The following TRMT9B variants were observed in gnomAD, a reference collection of about 807,000 sequenced individuals.
TRMT9B encodes the protein tRNA methyltransferase 9B (putative).
TRMT9B carries 16 observed loss-of-function variants against 11.5 expected under a neutral mutation model. That is an observed-to-expected ratio of 1.39 (90% CI 0.94 to 2.11). The LOEUF (loss-of-function observed/expected upper bound fraction) is 2.11, where lower values mean the gene tolerates loss of function less well. TRMT9B is among the 30% of genes most tolerant of loss of function. The pLI is 0.00. For missense variants in TRMT9B, 941 were observed against 553.8 expected, an observed-to-expected ratio of 1.70 and a Z score of -7.02; for synonymous variants, 274 against 192.4, an observed-to-expected ratio of 1.42 and a Z score of -3.51.
intron 2 of TRMT9B, among the ~76,000 whole-genome samples, chr8:12,991,283 T>G (rs1807283980): frequency 6.6e-6 from 1 of 152,230 alleles, no homozygotes; most frequent in African/African-American, 2.4e-5. Context: ...GACTTAAACA[T>G]ATTTTTAAAT....
chr8:12,975,283 G>C (rs1264653448), intron 1 of TRMT9B, among the ~76,000 whole-genome samples: 1 of 151,944 alleles, frequency 6.6e-6, no homozygotes, highest in Non-Finnish European at 1.5e-5. Context: ...GAATCAAAAT[G>C]GTCCACTCCC....
chr8:12,970,522 G>T (rs1246923443), intron 1 of TRMT9B, among the ~76,000 whole-genome samples: 1 of 152,178 alleles, frequency 6.6e-6, no homozygotes, highest in African/African-American at 2.4e-5. Context: ...TAGAGCAGAC[G>T]CCTTCTGGGC....
chr8:12,979,400 A>G (rs1212317344), intron 1 of TRMT9B, among the ~76,000 whole-genome samples: 1 of 152,194 alleles, frequency 6.6e-6, no homozygotes, highest in African/African-American at 2.4e-5. Flanking sequence ...CGAGTTAAGA[A>G]TTAAATGGGA....
chr8:12,991,997 G>C (rs560704964), intron 2 of TRMT9B, among the ~76,000 whole-genome samples: 89 of 152,270 alleles, frequency 5.8e-4, no homozygotes, highest in Middle Eastern at 3.4e-3. Flanking sequence ...AACTGGAAAA[G>C]CTCAGTCTTG....
chr8:12,988,454 C>T (rs183090179), intron 1 of TRMT9B, among the ~76,000 whole-genome samples: 40 of 152,216 alleles, frequency 2.6e-4, no homozygotes, highest in East Asian at 1.2e-3. Context: ...AAGACATACC[C>T]GAGACTGTGT....
At chr8:13,006,390 C>G in intron 3 of TRMT9B, 34 bp downstream of exon 3, 1 of 765,940 alleles carries the variant, frequency 1.3e-6, no homozygotes, top group Non-Finnish European at 2.1e-6. Flanking sequence ...ACATAGGTAA[C>G]CAGGCAGCCT....
In TRMT9B at chr8:13,022,082, A is replaced by C; in HGVS notation, c.*38A>C. The C allele has an allele frequency of 1.4e-6, 2 of 1,419,908 alleles. No individual in the cohort carries two copies. The highest frequency in any genetic ancestry group is 2.9e-5 in the African/African-American group (2 of 70,116). The allele number at this position is 1,419,908 out of a possible 1,614,324, so 88.0% of individuals were successfully genotyped here. A position where few individuals can be genotyped will look rare whatever the true frequency, so the allele number is the denominator to read the frequency against. ...AGACAACTCCTCCAAAAGATGAACC[A>C]CATTCTTTCCTCTTGGTTTGATATG... On this transcript the variant is annotated 3_prime_UTR_variant, in exon 5 of 5. Transcript: ENST00000524591.
intron 4 of TRMT9B, among the ~76,000 whole-genome samples, chr8:13,015,843 C>G (rs1812549271): frequency 6.6e-6 from 1 of 152,132 alleles, no homozygotes; most frequent in Admixed American, 6.6e-5. Context: ...TAGTTACCAT[C>G]TTCGAATTAA....
At chr8:12,964,539 T>C (rs1263803678) in intron 1 of TRMT9B, among the ~76,000 whole-genome samples, 1 of 152,188 alleles carries the variant, frequency 6.6e-6, no homozygotes, top group Non-Finnish European at 1.5e-5. Context: ...GTATTTGTAG[T>C]TTTTAACTCT....
rs1292393733 is a variant in TRMT9B, at chr8:13,029,146, G to C, written c.*7102G>C. 1 of 166,818 alleles carries C rather than the reference G, an allele frequency of 6.0e-6. No individual in the cohort carries two copies. The highest frequency in any genetic ancestry group is 1.5e-5 in the Non-Finnish European group (1 of 68,094). The allele number at this position is 166,818 out of a possible 1,614,324, so 10.3% of individuals were successfully genotyped here. A position where few individuals can be genotyped will look rare whatever the true frequency, so the allele number is the denominator to read the frequency against. The stretch of plus-strand genomic sequence containing the variant: ...GTGCACGCGTGAATACATCAAATTA[G>C]CAATTACCATAGAAATGTATTTCAT... On this transcript the variant is annotated 3_prime_UTR_variant, in exon 5 of 5. Coordinates refer to ENST00000524591, the MANE Select transcript of TRMT9B (RefSeq NM_020844.3).
At position 12,948,383 on chromosome 8, in the gene TRMT9B, C is replaced by T. The variant is rs182790178; in HGVS notation, c.-200+2417C>T. 2.0e-5 allele frequency among the ~76,000 whole-genome samples: 3 copies of T among 148,928 alleles called. No homozygotes were observed. The East Asian group carries it at 5.8e-4, about 29-fold the overall frequency. The stretch of plus-strand genomic sequence containing the variant: ...TAAAGTTGAAAAATTGTAAATGAAC[C>T]ATCGTAATTCAAGGAACATCTGTAT... On this transcript the variant is annotated intron_variant, in intron 1 of 4. Coordinates refer to ENST00000524591, the MANE Select transcript of TRMT9B (RefSeq NM_020844.3).
intron 1 of TRMT9B, among the ~76,000 whole-genome samples, chr8:12,979,162 G>A (rs765081077): frequency 1.3e-5 from 2 of 152,286 alleles, no homozygotes; most frequent in South Asian, 2.1e-4. Flanking sequence ...GGAAGTAAGC[G>A]TTGTCCTTTT....
At chr8:12,982,546 C>T (rs535319209) in intron 1 of TRMT9B, among the ~76,000 whole-genome samples, 2 of 152,044 alleles carry the variant, frequency 1.3e-5, no homozygotes, top group South Asian at 2.1e-4. Flanking sequence ...CTTGTAATCG[C>T]AGCTACTCGG....
intron 4 of TRMT9B, among the ~76,000 whole-genome samples, chr8:13,016,205 T>A (rs1264270313): frequency 7.2e-6 from 1 of 139,852 alleles, no homozygotes. Context: ...TATATATTTA[T>A]ATATATAAAA....
chr8:13,014,784 C>T lies in TRMT9B; in HGVS notation c.328+1927C>T, dbSNP rs549826387. Among the ~76,000 whole-genome samples the T allele has an allele frequency of 3.3e-5, 5 of 152,132 alleles. No individual in the cohort carries two copies. In the South Asian group the frequency reaches 8.3e-4, roughly 25 times the overall value. On this transcript the variant is annotated intron_variant, in intron 4 of 4. Transcript: ENST00000524591. ...TTGGAGAAAGGTCAAAGAAATGGGC[C>T]GGGCGCGGTGACTCAGGCCTGTAAT...
At chr8:12,959,913 A>C (rs1227442861) in intron 1 of TRMT9B, 1 of 152,178 alleles carries the variant, frequency 6.6e-6, no homozygotes. Context: ...GCTACAGCAG[A>C]ATAGGGAGCT....
At chr8:12,979,751 C>T (rs904053220) in intron 1 of TRMT9B, among the ~76,000 whole-genome samples, 18 of 152,076 alleles carry the variant, frequency 1.2e-4, no homozygotes, top group African/African-American at 3.9e-4. Flanking sequence ...CTTGGAATGG[C>T]CGGAACAATG....
At chr8:13,010,702 G>A in intron 3 of TRMT9B, 1 of 984,890 alleles carries the variant, frequency 1.0e-6, no homozygotes, top group Non-Finnish European at 1.2e-6. Flanking sequence ...TATCATTGAA[G>A]TAACTTTCCC....
In TRMT9B at chr8:13,012,874, A is replaced by T. The variant is rs1457049626; in HGVS notation, c.328+17A>T. On this transcript the variant is annotated intron_variant, in intron 4 of 4. Coordinates refer to ENST00000524591, the MANE Select transcript of TRMT9B (RefSeq NM_020844.3). ...CCATAGGAGGTAAGGCAGCCAGATC[A>T]CACATTCACCCTTTGCCATGAGAAT... The T allele has an allele frequency of 6.2e-7, 1 of 1,611,956 alleles. No individual in the cohort carries two copies. The highest frequency in any genetic ancestry group is 8.5e-7 in the Non-Finnish European group (1 of 1,179,098).
Sources: allele counts gnomAD v4.1 joint callset (sites outside exome capture counted in the v4.1 genomes callset), GRCh38; gene constraint gnomAD v4.1.1; transcripts MANE v1.5; gene names NCBI Gene and HGNC (gene_info 2026-07-23, HGNC 2026-07-21).